ANXA2: variants seen among roughly 807,000 people sequenced by gnomAD.
ANXA2 encodes the protein annexin II.
In ANXA2, 28 loss-of-function variants were observed where a neutral mutation model predicts 47.3. The observed-to-expected ratio is 0.59, with a 90% CI of 0.44 to 0.81. The LOEUF (loss-of-function observed/expected upper bound fraction) is 0.81, where lower values mean the gene tolerates loss of function less well. ANXA2 is among the 40% of genes least tolerant of loss of function. The pLI is 0.00. For synonymous variants in ANXA2, 172 were observed against 155.5 expected, an observed-to-expected ratio of 1.11 and a Z score of -0.79; for missense variants, 384 against 414.3, an observed-to-expected ratio of 0.93 and a Z score of 0.64.
intron 3 of ANXA2, among the ~76,000 whole-genome samples, chr15:60,367,278 C>G (rs1289800870): frequency 7.7e-6 from 1 of 129,976 alleles, no homozygotes; most frequent in South Asian, 2.5e-4. Context: ...GGGGGATCAG[C>G]CCCCCGCCCG....
chr15:60,395,557 T>G (rs1342996515), intron 1 of ANXA2: 1 of 152,140 alleles, frequency 6.6e-6, no homozygotes, highest in Non-Finnish European at 1.5e-5. Flanking sequence ...TCAAAATCAA[T>G]AGCAATTATA....
intron 3 of ANXA2, among the ~76,000 whole-genome samples, chr15:60,371,048 C>G (rs558837908): frequency 3.7e-4 from 57 of 152,178 alleles, no homozygotes; most frequent in African/African-American, 1.2e-3. Flanking sequence ...TTTTTCAAAA[C>G]TAACAGAAGT....
At chr15:60,351,498 C>T in intron 10 of ANXA2, 1 of 615,072 alleles carries the variant, frequency 1.6e-6, no homozygotes, top group Non-Finnish European at 2.9e-6. Context: ...CACAACACAC[C>T]CCTCTCTCCT....
intron 3 of ANXA2, among the ~76,000 whole-genome samples, chr15:60,366,677 G>C (rs1480351582): frequency 1.6e-5 from 2 of 123,678 alleles, no homozygotes; most frequent in African/African-American, 6.3e-5. Flanking sequence ...AGGGAGGTGG[G>C]GGGGGTCAGC....
intron 4 of ANXA2, 117 bp from the exon 5 acceptor site, chr15:60,361,171 G>A (rs2140826694): frequency 1.4e-6 from 1 of 725,774 alleles, no homozygotes; most frequent in African/African-American, 1.7e-5. Context: ...GACCACTCCG[G>A]AGTCTTGGGT....
chr15:60,353,566 C>T (rs1477142093), intron 8 of ANXA2, among the ~76,000 whole-genome samples: 1 of 152,236 alleles, frequency 6.6e-6, no homozygotes, highest in Non-Finnish European at 1.5e-5. Context: ...ATAAACATTG[C>T]TGTCAGACTA....
At chr15:60,396,990 C>A (rs2140951825) in intron 1 of ANXA2, among the ~76,000 whole-genome samples, 1 of 152,308 alleles carries the variant, frequency 6.6e-6, no homozygotes, top group African/African-American at 2.4e-5. Context: ...TTTTTGAAAT[C>A]TCCAATAACT....
intron 2 of ANXA2, chr15:60,382,832 T>C (rs946012053): frequency 1.3e-5 from 2 of 157,856 alleles, no homozygotes; most frequent in African/African-American, 4.8e-5. Context: ...GACAAGGGTG[T>C]TTAGCTAAGT....
chr15:60,370,755 A>G (rs545654408), intron 3 of ANXA2, among the ~76,000 whole-genome samples: 1 of 152,216 alleles, frequency 6.6e-6, no homozygotes, highest in Non-Finnish European at 1.5e-5. Context: ...CCCTTGATTT[A>G]TACTCTCTGA....
intron 4 of ANXA2, among the ~76,000 whole-genome samples, chr15:60,362,402 A>G (rs1371278770): frequency 6.6e-6 from 1 of 152,224 alleles, no homozygotes; most frequent in Non-Finnish European, 1.5e-5. Context: ...CAAAAACTAA[A>G]CAAAAACTCC....
At chr15:60,397,646 G>A (rs948676260) in intron 1 of ANXA2, among the ~76,000 whole-genome samples, 1 of 146,926 alleles carries the variant, frequency 6.8e-6, no homozygotes, top group Non-Finnish European at 1.5e-5. Flanking sequence ...CTCTCCCCAC[G>A]CCGCCTCGCC....
rs139842070 is a variant in ANXA2, at chr15:60,382,556, T to C, written c.49-115A>G. ...CTTTTAACAATTCAGATCATTCTCATACTAGGTAACTAGGTAGGTATTAAC... is the reference window on the plus strand; with the variant it reads ...CTTTTAACAATTCAGATCATTCTCACACTAGGTAACTAGGTAGGTATTAAC... On this transcript the variant is annotated intron_variant, in intron 2 of 12. Transcript: ENST00000451270. 1.4e-3 allele frequency: 987 copies of C among 711,132 alleles called. 9 individuals carry two copies. The African/African-American group carries it at 0.015, about 11-fold the overall frequency. The allele number at this position is 711,132 out of a possible 1,614,324, so 44.1% of individuals were successfully genotyped here.
At chr15:60,370,788 G>A (rs1017255035) in intron 3 of ANXA2, among the ~76,000 whole-genome samples, 14 of 152,182 alleles carry the variant, frequency 9.2e-5, no homozygotes, top group Non-Finnish European at 1.9e-4. Flanking sequence ...CAGTGCTTAA[G>A]GAAGTGTTTG....
At position 60,375,514 on chromosome 15, in the gene ANXA2, G is replaced by A. The variant is rs548313146; in HGVS notation, c.148+6828C>T. 7.2e-5 allele frequency among the ~76,000 whole-genome samples: 11 copies of A among 152,234 alleles called. No individual in the cohort carries two copies. In the East Asian group the frequency reaches 1.2e-3, roughly 16 times the overall value. Reference sequence around the variant, plus strand: ...AACCATTCACAGCTGTGTTGTACACGCCATCGTATATATTTAACCCAAGGC... The same window carrying A: ...AACCATTCACAGCTGTGTTGTACACACCATCGTATATATTTAACCCAAGGC... On this transcript the variant is annotated intron_variant, in intron 3 of 12. Coordinates refer to ENST00000451270, the MANE Select transcript of ANXA2 (RefSeq NM_004039.3).
At chr15:60,351,860 A>G in intron 9 of ANXA2, 41 bp from the exon 10 acceptor site, 1 of 1,394,842 alleles carries the variant, frequency 7.2e-7, no homozygotes, top group Non-Finnish European at 1.0e-6. Flanking sequence ...CCGAGCCACT[A>G]GTCAAAGCTG....
chr15:60,376,824 C>T (rs1009761574), intron 3 of ANXA2, among the ~76,000 whole-genome samples: 3 of 152,228 alleles, frequency 2.0e-5, no homozygotes, highest in African/African-American at 4.8e-5. Context: ...GTGCACCATC[C>T]GTGTACTCGA....
At chr15:60,385,904 A>G (rs989841947) in intron 2 of ANXA2, 124 bp downstream of exon 2, 7 of 621,276 alleles carry the variant, frequency 1.1e-5, no homozygotes, top group Non-Finnish European at 2.0e-5. Flanking sequence ...AAAGAGGAGA[A>G]CCAAATGATG....
rs1595657440 is a variant in ANXA2 at position 60,349,213 on chromosome 15, A to G, written c.838-16T>C. The stretch of plus-strand genomic sequence containing the variant: ...TCCCCTTGCCCTGAAAATCAAGTTG[A>G]TATTTGTTACATTCGCTGAGAATGT... On this transcript the variant is annotated splice_polypyrimidine_tract_variant and intron_variant, in intron 11 of 12. Coordinates refer to ENST00000451270, the MANE Select transcript of ANXA2 (RefSeq NM_004039.3). The G allele has an allele frequency of 1.2e-6, 2 of 1,613,424 alleles. No individual in the cohort carries two copies. Among genetic ancestry groups the G allele is most frequent in the African/African-American group, 1.3e-5 (1 of 75,028 alleles).
chr15:60,354,060 G>A, intron 8 of ANXA2, 94 bp downstream of exon 8: 1 of 941,524 alleles, frequency 1.1e-6, no homozygotes, highest in Non-Finnish European at 1.6e-6. Context: ...CACAGAGTTT[G>A]GGAGTCATTT....
Sources: allele counts gnomAD v4.1 joint callset (sites outside exome capture counted in the v4.1 genomes callset), GRCh38; gene constraint gnomAD v4.1.1; transcripts MANE v1.5; gene names NCBI Gene and HGNC (gene_info 2026-07-23, HGNC 2026-07-21).